Variants in COL14A1 observed in about 807,000 individuals in gnomAD.
COL14A1 encodes collagen type XIV alpha 1 chain, also known as collagen alpha-1(XIV) chain.
A neutral mutation model predicts 230.3 loss-of-function variants in COL14A1; 136 were observed. That is an observed-to-expected ratio of 0.59 (90% CI 0.51 to 0.68). The LOEUF is 0.68. Ranked by LOEUF, COL14A1 falls within the 30% of genes least tolerant of loss-of-function variation. The pLI is 0.00. For missense variants in COL14A1, 1,976 were observed against 2,215.8 expected, an observed-to-expected ratio of 0.89 and a Z score of 2.17; for synonymous variants, 792 against 784.1, an observed-to-expected ratio of 1.01 and a Z score of -0.17.
At chr8:120,332,927 G>C (rs568003407) in intron 42 of COL14A1, among the ~76,000 whole-genome samples, 192 bp downstream of exon 42, 3 of 152,346 alleles carry the variant, frequency 2.0e-5, no homozygotes, top group Non-Finnish European at 4.4e-5. Flanking sequence ...CATGGCTGAA[G>C]ATAAATGGTC....
At position 120,175,747 on chromosome 8, in the gene COL14A1, A is replaced by C. The variant is rs377190557; in HGVS notation, c.436+7500A>C. 7.9e-5 allele frequency among the ~76,000 whole-genome samples: 12 copies of C among 152,330 alleles called. No homozygotes were observed. The East Asian group carries it at 2.1e-3, about 27-fold the overall frequency. On this transcript the variant is annotated intron_variant, in intron 5 of 47. Coordinates refer to ENST00000297848, the MANE Select transcript of COL14A1 (RefSeq NM_021110.4). ...AAATATTTTCTGTTTTGCTTTTTTC[A>C]GAAAAAGTTTGCTTATCTTTGTCTT...
At chr8:120,366,330 A>T (rs981441547) in intron 45 of COL14A1, among the ~76,000 whole-genome samples, 1 of 152,190 alleles carries the variant, frequency 6.6e-6, no homozygotes, top group Non-Finnish European at 1.5e-5. Context: ...ATAATTTCTC[A>T]GTAGGTATAA....
chr8:120,264,174 G>A (rs556069481), intron 24 of COL14A1, among the ~76,000 whole-genome samples: 4 of 152,130 alleles, frequency 2.6e-5, no homozygotes, highest in African/African-American at 9.6e-5. Flanking sequence ...TTATACATTT[G>A]CCTTTTCTGG....
intron 1 of COL14A1, among the ~76,000 whole-genome samples, chr8:120,143,617 C>T (rs781424899): frequency 1.8e-4 from 28 of 152,030 alleles, no homozygotes; most frequent in East Asian, 1.7e-3. Context: ...GGCAACAGAG[C>T]GAGACTCCAT....
At chr8:120,312,417 A>T (rs1162577605) in intron 37 of COL14A1, among the ~76,000 whole-genome samples, 1 of 152,050 alleles carries the variant, frequency 6.6e-6, no homozygotes, top group Non-Finnish European at 1.5e-5. Flanking sequence ...TTAGAGTTTA[A>T]TTTTTTTAAC....
At chr8:120,298,111 A>G (rs1820584333) in intron 35 of COL14A1, among the ~76,000 whole-genome samples, 1 of 152,062 alleles carries the variant, frequency 6.6e-6, no homozygotes, top group Non-Finnish European at 1.5e-5. Flanking sequence ...CACATTGGCC[A>G]CTGCCATCCT....
At chr8:120,364,938 C>T (rs1823356715) in intron 45 of COL14A1, among the ~76,000 whole-genome samples, 1 of 151,378 alleles carries the variant, frequency 6.6e-6, no homozygotes, top group Admixed American at 6.6e-5. Context: ...GCTAAAATTC[C>T]TTGTTAATAT....
chr8:120,285,591 G>A (rs1390891508), intron 32 of COL14A1, among the ~76,000 whole-genome samples: 1 of 152,060 alleles, frequency 6.6e-6, no homozygotes, highest in Non-Finnish European at 1.5e-5. Flanking sequence ...GAGAGTGATG[G>A]GAATGAGAGT....
At chr8:120,235,779 CT>C (rs1403842867) in intron 19 of COL14A1, among the ~76,000 whole-genome samples, 5 of 152,198 alleles carry the variant, frequency 3.3e-5, no homozygotes, top group African/African-American at 1.2e-4. Context: ...CCTCTAAACA[CT>C]GCTTTAGCTG....
At chr8:120,238,374 A>G (rs545841537) in intron 19 of COL14A1, among the ~76,000 whole-genome samples, 1 of 152,278 alleles carries the variant, frequency 6.6e-6, no homozygotes, top group East Asian at 1.9e-4. Flanking sequence ...GGCTCTGCCC[A>G]GTCCAAACTT....
chr8:120,196,712 T>A, intron 5 of COL14A1, 79 bp from the exon 6 acceptor site: 1 of 1,431,004 alleles, frequency 7.0e-7, no homozygotes, highest in Non-Finnish European at 9.6e-7. Context: ...CACTAAGTTG[T>A]CTAAAAGACA....
Position 120,360,812 on chromosome 8 carries a change from C to T in COL14A1, c.5078-6359C>T, listed in dbSNP as rs375242954. On this transcript the variant is annotated intron_variant, in intron 45 of 47. Transcript: ENST00000297848. ...ACTGGGCTAGGCAGTTTATGTTGTT[C>T]GCCTTCTCCAGGCTTTAGCTTCGTG... Among the ~76,000 whole-genome samples, 22 of 152,252 alleles carry T rather than the reference C, an allele frequency of 1.4e-4. 2 individuals are homozygous for T. In the South Asian group the frequency reaches 2.9e-3, roughly 20 times the overall value.
intron 14 of COL14A1, among the ~76,000 whole-genome samples, chr8:120,217,619 T>C (rs944308748): frequency 8.5e-5 from 13 of 152,278 alleles, no homozygotes; most frequent in Non-Finnish European, 1.8e-4. Flanking sequence ...TGCTAACATA[T>C]AGAAATACTG....
chr8:120,129,667 C>T (rs1814464231), intron 1 of COL14A1, among the ~76,000 whole-genome samples: 1 of 152,170 alleles, frequency 6.6e-6, no homozygotes, highest in Non-Finnish European at 1.5e-5. Context: ...AAACCTATGG[C>T]ATGGGAGAAG....
At chr8:120,143,283 A>G (rs1361290546) in intron 1 of COL14A1, among the ~76,000 whole-genome samples, 3 of 152,214 alleles carry the variant, frequency 2.0e-5, no homozygotes, top group Non-Finnish European at 4.4e-5. Context: ...TCAAAAGAAC[A>G]GCATCCAGGA....
chr8:120,251,584 AT>A, intron 22 of COL14A1, among the ~76,000 whole-genome samples: 1 of 152,256 alleles, frequency 6.6e-6, no homozygotes, highest in Admixed American at 6.5e-5. Flanking sequence ...TGTTTTCCAA[AT>A]TCCAGCACCT....
At chr8:120,290,414 C>G (rs1820337309) in intron 34 of COL14A1, among the ~76,000 whole-genome samples, 1 of 152,072 alleles carries the variant, frequency 6.6e-6, no homozygotes, top group Admixed American at 6.6e-5. Context: ...AAGAATAGTG[C>G]ACACAGTTTT....
chr8:120,166,961 C>T (rs1249268453), intron 4 of COL14A1, among the ~76,000 whole-genome samples: 1 of 144,890 alleles, frequency 6.9e-6, no homozygotes, highest in Non-Finnish European at 1.5e-5. Context: ...TCCAAAGTGC[C>T]AATGCTTATC....
At chr8:120,289,912 A>T (rs1820321460) in intron 34 of COL14A1, 146 bp downstream of exon 34, 2 of 799,874 alleles carry the variant, frequency 2.5e-6, no homozygotes, top group South Asian at 4.0e-5. Flanking sequence ...GGATGGATGG[A>T]TAGATGGATG....
Sources: gnomAD v4.1 joint callset for allele counts (sites outside exome capture counted in the v4.1 genomes callset) on GRCh38, gnomAD v4.1.1 for gene constraint, MANE v1.5 for transcripts, NCBI Gene and HGNC (gene_info 2026-07-23, HGNC 2026-07-21) for gene names.